The following UBTD1 variants were observed in gnomAD, a reference collection of about 807,000 sequenced individuals.
UBTD1 encodes ubiquitin domain-containing protein 1.
UBTD1 carries 19 observed loss-of-function variants against 21.7 expected under a neutral mutation model. The ratio of observed to expected loss-of-function variants is 0.87; its 90% CI spans 0.61 to 1.28. The LOEUF (loss-of-function observed/expected upper bound fraction) is 1.28, where lower values mean the gene tolerates loss of function less well. UBTD1 is among the 50% of genes most tolerant of loss of function. UBTD1 has a pLI of 0.00. For synonymous variants in UBTD1, 116 were observed against 135.1 expected, an observed-to-expected ratio of 0.86 and a Z score of 0.98; for missense variants, 282 against 315.1, an observed-to-expected ratio of 0.89 and a Z score of 0.80.
At chr10:97,502,866 C>G (rs555551779) in intron 1 of UBTD1, among the ~76,000 whole-genome samples, 1 of 144,638 alleles carries the variant, frequency 6.9e-6, no homozygotes, top group African/African-American at 2.6e-5. Flanking sequence ...CGTATATATA[C>G]GTATATATGT....
intron 1 of UBTD1, among the ~76,000 whole-genome samples, chr10:97,533,268 C>T (rs1264979972): frequency 1.3e-5 from 2 of 152,214 alleles, no homozygotes; most frequent in African/African-American, 4.8e-5. Context: ...CCTGCTGCCC[C>T]GGGTTTGCTG....
chr10:97,520,561 G>A (rs2040462965), intron 1 of UBTD1, among the ~76,000 whole-genome samples: 2 of 152,200 alleles, frequency 1.3e-5, no homozygotes, highest in South Asian at 4.1e-4. Flanking sequence ...TTATGGGGTA[G>A]GAGAAATGAA....
chr10:97,562,142 G>A (rs946498271), intron 1 of UBTD1, among the ~76,000 whole-genome samples: 3 of 152,104 alleles, frequency 2.0e-5, no homozygotes, highest in East Asian at 1.9e-4. Flanking sequence ...GGTGGCTCAC[G>A]TCTGTAATCC....
chr10:97,517,595 G>A (rs958364312), intron 1 of UBTD1, among the ~76,000 whole-genome samples: 1 of 152,190 alleles, frequency 6.6e-6, no homozygotes, highest in African/African-American at 2.4e-5. Context: ...CCTTGTGACT[G>A]CAGTCACTCG....
intron 1 of UBTD1, among the ~76,000 whole-genome samples, chr10:97,536,095 C>T (rs549719425): frequency 1.3e-5 from 2 of 151,680 alleles, no homozygotes; most frequent in South Asian, 4.2e-4. Context: ...CGGATTCAAG[C>T]GATTCTCCTG....
intron 1 of UBTD1, among the ~76,000 whole-genome samples, chr10:97,508,707 C>A (rs2040409241): frequency 6.6e-6 from 1 of 152,152 alleles, no homozygotes; most frequent in South Asian, 2.1e-4. Context: ...TCCCCACCCC[C>A]AGACCACCAC....
chr10:97,568,881 T>C (rs2040731402), intron 2 of UBTD1, among the ~76,000 whole-genome samples: 1 of 152,090 alleles, frequency 6.6e-6, no homozygotes, highest in Admixed American at 6.6e-5. Flanking sequence ...TGGAATGCAG[T>C]GGAGCGATCT....
At chr10:97,537,422 CATAGCTTGGAGG>C (rs1308781734) in intron 1 of UBTD1, among the ~76,000 whole-genome samples, 2 of 152,200 alleles carry the variant, frequency 1.3e-5, no homozygotes, top group Non-Finnish European at 2.9e-5. Flanking sequence ...GCGACCTGCA[CATAGCTTGGAGG>C]ATACATGTGA....
intron 1 of UBTD1, among the ~76,000 whole-genome samples, chr10:97,539,029 G>T (rs1417409): frequency 6.6e-6 from 1 of 152,204 alleles, no homozygotes; most frequent in Non-Finnish European, 1.5e-5. Flanking sequence ...GGCAGTGCTT[G>T]TGTTGCCCTG....
intron 1 of UBTD1, among the ~76,000 whole-genome samples, chr10:97,541,728 ATT>A (rs975827062): frequency 6.1e-5 from 6 of 98,882 alleles, no homozygotes; most frequent in Admixed American, 1.0e-4. Flanking sequence ...GTCCTCTCTG[ATT>A]TTTTTTTTTT....
At chr10:97,533,658 C>A (rs2040544411) in intron 1 of UBTD1, among the ~76,000 whole-genome samples, 1 of 152,082 alleles carries the variant, frequency 6.6e-6, no homozygotes, top group African/African-American at 2.4e-5. Flanking sequence ...GGTGTGGTAG[C>A]TCACCCTGTA....
chr10:97,503,211 C>G (rs1348148038), intron 1 of UBTD1, among the ~76,000 whole-genome samples: 2 of 152,196 alleles, frequency 1.3e-5, no homozygotes, highest in African/African-American at 2.4e-5. Flanking sequence ...CCGCCACACC[C>G]AGCCTTAAAA....
At chr10:97,534,896 C>T (rs1329908922) in intron 1 of UBTD1, among the ~76,000 whole-genome samples, 1 of 152,168 alleles carries the variant, frequency 6.6e-6, no homozygotes, top group Non-Finnish European at 1.5e-5. Context: ...CCTCCTTGCC[C>T]GCCTCCCCAC....
chr10:97,555,514 G>C (rs1477019720), intron 1 of UBTD1, among the ~76,000 whole-genome samples: 1 of 152,202 alleles, frequency 6.6e-6, no homozygotes, highest in African/African-American at 2.4e-5. Context: ...AGTTGTAGAA[G>C]GAAGGGCTTT....
chr10:97,537,315 A>G (rs1460224338), intron 1 of UBTD1, among the ~76,000 whole-genome samples: 1 of 152,128 alleles, frequency 6.6e-6, no homozygotes, highest in African/African-American at 2.4e-5. Flanking sequence ...TCATTTGACC[A>G]TGAAGAATTG....
intron 1 of UBTD1, among the ~76,000 whole-genome samples, chr10:97,528,674 ACCCCC>A (rs1209121050): frequency 2.7e-4 from 1 of 3,766 alleles, no homozygotes; most frequent in Admixed American, 3.1e-3. Context: ...CGGGGGGCTG[ACCCCC>A]CCCACCTCCC....
At chr10:97,516,161 G>A (rs943923815) in intron 1 of UBTD1, among the ~76,000 whole-genome samples, 1 of 152,198 alleles carries the variant, frequency 6.6e-6, no homozygotes. Context: ...GGTTCGCTCA[G>A]GGGAAAGGGG....
At chr10:97,535,669 C>G (rs931583587) in intron 1 of UBTD1, among the ~76,000 whole-genome samples, 10 of 152,134 alleles carry the variant, frequency 6.6e-5, no homozygotes, top group Admixed American at 6.5e-4. Flanking sequence ...TGGCTCATAC[C>G]TATAATTCTG....
chr10:97,502,822 T>TAC (rs1491389836), intron 1 of UBTD1, among the ~76,000 whole-genome samples: 1 of 148,600 alleles, frequency 6.7e-6, no homozygotes, highest in East Asian at 2.0e-4. Context: ...GTCACTCATA[T>TAC]GTGTGTGTGT....
Sources: allele counts gnomAD v4.1 joint callset (sites outside exome capture counted in the v4.1 genomes callset), GRCh38; gene constraint gnomAD v4.1.1; transcripts MANE v1.5; gene names NCBI Gene and HGNC (gene_info 2026-07-23, HGNC 2026-07-21).